Variants in SPIDR observed in about 807,000 individuals in gnomAD.
SPIDR encodes the protein DNA repair-scaffolding protein.
A neutral mutation model predicts 104.6 loss-of-function variants in SPIDR; 93 were observed. The observed-to-expected ratio is 0.89, with a 90% CI of 0.75 to 1.06. The LOEUF (loss-of-function observed/expected upper bound fraction) is 1.06. SPIDR is among the 50% of genes least tolerant of loss of function. The pLI, the probability that SPIDR is intolerant of heterozygous loss-of-function variation, is 0.00. For synonymous variants in SPIDR, 431 were observed against 416.9 expected, an observed-to-expected ratio of 1.03 and a Z score of -0.41; for missense variants, 1,154 against 1,111.2, an observed-to-expected ratio of 1.04 and a Z score of -0.55.
intron 6 of SPIDR, among the ~76,000 whole-genome samples, chr8:47,407,142 A>G (rs1295822059): frequency 6.6e-6 from 1 of 152,222 alleles, no homozygotes; most frequent in Non-Finnish European, 1.5e-5. Context: ...AAGCATAAAT[A>G]TATCTCAGTA....
chr8:47,324,900 G>A (rs1447758764), intron 5 of SPIDR, among the ~76,000 whole-genome samples: 1 of 152,110 alleles, frequency 6.6e-6, no homozygotes, highest in African/African-American at 2.4e-5. Context: ...GTGCTGGCAG[G>A]GTTGATTTCT....
intron 3 of SPIDR, 21 bp downstream of exon 3, chr8:47,284,115 T>C: frequency 3.2e-6 from 5 of 1,582,758 alleles, no homozygotes; most frequent in Non-Finnish European, 4.3e-6. Flanking sequence ...TGTTGATTTC[T>C]TGACAGAGAA....
chr8:47,537,949 G>A (rs945526145), intron 8 of SPIDR, among the ~76,000 whole-genome samples: 4 of 152,100 alleles, frequency 2.6e-5, no homozygotes, highest in Non-Finnish European at 5.9e-5. Flanking sequence ...GGCTGAGGCG[G>A]GCGGATCATT....
intron 11 of SPIDR, 29 bp from the exon 12 acceptor site, chr8:47,700,374 A>T: frequency 6.2e-7 from 1 of 1,612,386 alleles, no homozygotes; most frequent in South Asian, 1.1e-5. Flanking sequence ...ATGTCTGATG[A>T]TGAATACCTT....
rs1229410045 is a variant in SPIDR at position 47,592,183 on chromosome 8, A to G, written c.1098-3628A>G. On this transcript the variant is annotated intron_variant, in intron 8 of 19. Transcript: ENST00000297423. ...TGGCATATAGCCTAGTTCATGCTCTAGCTGTTTCTATGGCTTGGGCTTTGT... is the reference window on the plus strand; with the variant it reads ...TGGCATATAGCCTAGTTCATGCTCTGGCTGTTTCTATGGCTTGGGCTTTGT... 3.6e-6 allele frequency: 5 copies of G among 1,390,324 alleles called. No homozygotes were observed. The East Asian group carries it at 9.2e-5, about 25-fold the overall frequency. The allele number at this position is 1,390,324 out of a possible 1,614,324, so 86.1% of individuals were successfully genotyped here.
chr8:47,625,298 C>A (rs1460197230), intron 10 of SPIDR, among the ~76,000 whole-genome samples: 2 of 152,164 alleles, frequency 1.3e-5, no homozygotes, highest in African/African-American at 2.4e-5. Flanking sequence ...TGGGCAAAAA[C>A]TGGAAGCATT....
intron 8 of SPIDR, chr8:47,547,092 C>A (rs2089532968): frequency 7.3e-6 from 4 of 550,866 alleles, no homozygotes; most frequent in South Asian, 6.4e-5. Context: ...AGTGATCTTG[C>A]CAGTTTCCAA....
chr8:47,472,563 CTAAG>C (rs1395840097), intron 8 of SPIDR, among the ~76,000 whole-genome samples: 3 of 152,170 alleles, frequency 2.0e-5, no homozygotes, highest in African/African-American at 7.2e-5. Flanking sequence ...GTAGTGTAAA[CTAAG>C]TGAAGTCATA....
intron 7 of SPIDR, among the ~76,000 whole-genome samples, chr8:47,423,622 A>G (rs555132665): frequency 1.3e-4 from 20 of 152,254 alleles, no homozygotes; most frequent in Non-Finnish European, 2.1e-4. Flanking sequence ...AAAAATAAAA[A>G]AATAAAAGAG....
At chr8:47,304,485 A>T (rs2042783463) in intron 5 of SPIDR, among the ~76,000 whole-genome samples, 1 of 152,154 alleles carries the variant, frequency 6.6e-6, no homozygotes. Context: ...TGGCCAACAT[A>T]GCAAGACCTC....
intron 7 of SPIDR, among the ~76,000 whole-genome samples, chr8:47,408,520 A>G (rs2063063016): frequency 6.6e-6 from 1 of 152,210 alleles, no homozygotes; most frequent in African/African-American, 2.4e-5. Context: ...TTATATAATC[A>G]AAACGTTGTA....
intron 8 of SPIDR, among the ~76,000 whole-genome samples, chr8:47,466,435 T>C (rs1203694953): frequency 8.5e-5 from 13 of 152,094 alleles, no homozygotes; most frequent in Non-Finnish European, 1.3e-4. Flanking sequence ...GGGTAAATAA[T>C]AAAATTAGAG....
chr8:47,489,050 G>T (rs1554735570), intron 8 of SPIDR, among the ~76,000 whole-genome samples: 1 of 152,138 alleles, frequency 6.6e-6, no homozygotes, highest in Non-Finnish European at 1.5e-5. Flanking sequence ...TAGGAAAAGA[G>T]GAAGTCAAAT....
rs529739393 is a variant in SPIDR, at chr8:47,413,727, G to C, written c.877+5766G>C. ...ATTGTTGTATCACATTTGGAGGTTT[G>C]ATGTTGGTGGGTACAATGCTGAAGG... On this transcript the variant is annotated intron_variant, in intron 7 of 19. Coordinates refer to ENST00000297423, the MANE Select transcript of SPIDR (RefSeq NM_001080394.4). Among the ~76,000 whole-genome samples, 74 of 152,304 alleles carry C rather than the reference G, an allele frequency of 4.9e-4. 1 individual carries two copies. Among genetic ancestry groups the C allele is most frequent in the African/African-American group, 1.8e-3 (73 of 41,554 alleles).
Position 47,431,279 on chromosome 8 carries a change from A to G in SPIDR, c.878-9044A>G, listed in dbSNP as rs377196764. On this transcript the variant is annotated intron_variant, in intron 7 of 19. Coordinates refer to ENST00000297423, the MANE Select transcript of SPIDR (RefSeq NM_001080394.4). ...ACCCTTATGACCTCATTTAACCTCAATTACTTCCTTGGAGCCCCCATCTCC... is the reference window on the plus strand; with the variant it reads ...ACCCTTATGACCTCATTTAACCTCAGTTACTTCCTTGGAGCCCCCATCTCC... Among the ~76,000 whole-genome samples, 34 of 152,206 alleles carry G rather than the reference A, an allele frequency of 2.2e-4. No individual in the cohort carries two copies. In the East Asian group the frequency reaches 2.9e-3, roughly 13 times the overall value.
intron 4 of SPIDR, among the ~76,000 whole-genome samples, chr8:47,291,600 A>C (rs2039917008): frequency 6.6e-6 from 1 of 152,226 alleles, no homozygotes; most frequent in Non-Finnish European, 1.5e-5. Flanking sequence ...TTTCTTGTTT[A>C]ATATTTCTCA....
chr8:47,333,006 T>C (rs2049038091), intron 5 of SPIDR, among the ~76,000 whole-genome samples: 1 of 150,922 alleles, frequency 6.6e-6, no homozygotes, highest in East Asian at 1.9e-4. Flanking sequence ...TTAGTTTAAT[T>C]AGATCCCATT....
chr8:47,470,223 A>T (rs1167981328), intron 8 of SPIDR, among the ~76,000 whole-genome samples: 1 of 152,176 alleles, frequency 6.6e-6, no homozygotes, highest in Non-Finnish European at 1.5e-5. Flanking sequence ...AATGGCATAG[A>T]ATAGAGGGCC....
intron 8 of SPIDR, among the ~76,000 whole-genome samples, chr8:47,516,591 G>C (rs760811195): frequency 6.6e-6 from 1 of 152,144 alleles, no homozygotes; most frequent in Non-Finnish European, 1.5e-5. Flanking sequence ...TCCACGTTAT[G>C]TGTCAGAATT....
Sources: gnomAD v4.1 joint callset for allele counts (sites outside exome capture counted in the v4.1 genomes callset) on GRCh38, gnomAD v4.1.1 for gene constraint, MANE v1.5 for transcripts, NCBI Gene and HGNC (gene_info 2026-07-23, HGNC 2026-07-21) for gene names.